The following DOCK4 variants were observed in gnomAD, a reference collection of about 807,000 sequenced individuals.
DOCK4 encodes the protein dedicator of cytokinesis protein 4.
DOCK4 carries 97 observed loss-of-function variants against 268.1 expected under a neutral mutation model. That is an observed-to-expected ratio of 0.36 (90% CI 0.31 to 0.43). The LOEUF is 0.43. DOCK4 is among the 20% of genes least tolerant of loss of function. The pLI is 1.00. For missense variants in DOCK4, 2,145 were observed against 2,455.7 expected, an observed-to-expected ratio of 0.87 and a Z score of 2.67; for synonymous variants, 954 against 887.2, an observed-to-expected ratio of 1.08 and a Z score of -1.34.
At chr7:111,935,215 T>G (rs1388648327) in intron 12 of DOCK4, 1 of 365,840 alleles carries the variant, frequency 2.7e-6, no homozygotes, top group Non-Finnish European at 5.3e-6. Flanking sequence ...CCCAAAGTGC[T>G]GGGATTACAG....
In DOCK4 at chr7:112,153,436, T is replaced by C. The variant is rs560804765; in HGVS notation, c.37+52666A>G. Among the ~76,000 whole-genome samples the C allele has an allele frequency of 7.9e-5, 12 of 152,306 alleles. No individual in the cohort carries two copies. The South Asian group carries it at 1.5e-3, about 18-fold the overall frequency. Reference sequence around the variant, plus strand: ...TGCTACACTTTACATTTAAGGTTAATGTTCCTATGAAGGGAGGAGGCTCAT... The same window carrying C: ...TGCTACACTTTACATTTAAGGTTAACGTTCCTATGAAGGGAGGAGGCTCAT... On this transcript the variant is annotated intron_variant, in intron 1 of 52. Transcript: ENST00000428084.
intron 26 of DOCK4, among the ~76,000 whole-genome samples, chr7:111,832,563 TG>T (rs1431457706): frequency 6.6e-6 from 1 of 152,156 alleles, no homozygotes; most frequent in Non-Finnish European, 1.5e-5. Flanking sequence ...AGTCTCACTC[TG>T]TTGCCCAGGC....
chr7:111,750,690 C>T (rs1390985530), intron 42 of DOCK4, among the ~76,000 whole-genome samples: 1 of 152,212 alleles, frequency 6.6e-6, no homozygotes, highest in Non-Finnish European at 1.5e-5. Context: ...TGGGAGGGGT[C>T]GCTGAGTCCT....
intron 1 of DOCK4, among the ~76,000 whole-genome samples, chr7:112,140,140 C>T (rs1387159397): frequency 6.6e-6 from 1 of 151,894 alleles, no homozygotes; most frequent in Non-Finnish European, 1.5e-5. Flanking sequence ...CGATCTAGTC[C>T]GAGAATAAAA....
intron 30 of DOCK4, among the ~76,000 whole-genome samples, chr7:111,798,215 C>T (rs903294917): frequency 6.6e-6 from 1 of 152,192 alleles, no homozygotes; most frequent in African/African-American, 2.4e-5. Context: ...CAGAACTGCC[C>T]CCAGAGGTGG....
At chr7:111,871,833 A>T (rs1186804428) in intron 20 of DOCK4, among the ~76,000 whole-genome samples, 157 bp downstream of exon 20, 1 of 152,200 alleles carries the variant, frequency 6.6e-6, no homozygotes, top group Non-Finnish European at 1.5e-5. Flanking sequence ...CCATTTAAAA[A>T]GGGTGTGTTA....
chr7:111,851,288 C>T (rs907027733), intron 23 of DOCK4, among the ~76,000 whole-genome samples: 1 of 151,740 alleles, frequency 6.6e-6, no homozygotes, highest in African/African-American at 2.4e-5. Context: ...ACTAAAAATA[C>T]AAAAAATTAG....
Position 112,150,899 on chromosome 7 carries a change from G to T in DOCK4, c.37+55203C>A, listed in dbSNP as rs141087732. Among the ~76,000 whole-genome samples, 432 of 152,244 alleles carry T rather than the reference G, an allele frequency of 2.8e-3. 2 individuals are homozygous for T. The highest frequency in any genetic ancestry group is 9.7e-3 in the African/African-American group (404 of 41,540). On this transcript the variant is annotated intron_variant, in intron 1 of 52. Transcript: ENST00000428084. ...ATAGCTTAATTACAAGATACTACTT[G>T]GCCCCAGCCAGACTGGGGATGCTAA...
chr7:111,783,861 A>C lies in DOCK4; in HGVS notation c.3520T>G (p.Tyr1174Asp). 1 of 1,599,362 alleles carries C rather than the reference A, an allele frequency of 6.3e-7. No homozygotes were observed. The highest frequency in any genetic ancestry group is 2.3e-5 in the East Asian group (1 of 44,398). Residue 1174 changes from tyrosine (Y) to aspartate (D), a missense_variant, in exon 34 of 53, where the codon TAC becomes GAC. By Grantham distance (160) the Tyr-to-Asp change is radical. Around this residue, in one of 2 missense-constraint regions of DOCK4, gnomAD observed 1,598 missense variants for 1,986.7 expected, o/e 0.80. Coordinates refer to ENST00000428084, the MANE Select transcript of DOCK4 (RefSeq NM_001363540.2). ...AAAACATGCGACTTGGCTTACCTGT[A>C]ATCTAACAACCTCTCCATTAGACGA... ...VTRLMERLLD[Y>D]RDCMKMGEVD...
At chr7:111,874,138 C>T (rs978024474) in intron 17 of DOCK4, among the ~76,000 whole-genome samples, 3 of 152,278 alleles carry the variant, frequency 2.0e-5, no homozygotes, top group East Asian at 1.9e-4. Flanking sequence ...CAGGAGGCCT[C>T]CCCTCCCTGG....
intron 23 of DOCK4, among the ~76,000 whole-genome samples, chr7:111,862,342 A>G (rs1805605172): frequency 6.6e-6 from 1 of 152,070 alleles, no homozygotes; most frequent in Admixed American, 6.6e-5. Context: ...AGATTTGTTA[A>G]TGATTTGCCA....
intron 1 of DOCK4, among the ~76,000 whole-genome samples, chr7:112,018,250 A>G (rs1211165601): frequency 6.7e-6 from 1 of 149,406 alleles, no homozygotes; most frequent in Non-Finnish European, 1.5e-5. Context: ...TTTCCACTGT[A>G]TAAATTCTCT....
At chr7:112,045,740 T>TGATGTGTCAAAAGTCAA (rs1804770003) in intron 1 of DOCK4, among the ~76,000 whole-genome samples, 1 of 152,184 alleles carries the variant, frequency 6.6e-6, no homozygotes, top group South Asian at 2.1e-4. Context: ...GTCATGGCTC[T>TGATGTGTCAAAAGTCAA]AAGTCTGATG....
intron 3 of DOCK4, among the ~76,000 whole-genome samples, chr7:111,999,427 A>C (rs1006592279): frequency 6.6e-6 from 1 of 152,048 alleles, no homozygotes; most frequent in African/African-American, 2.4e-5. Flanking sequence ...CTAACTAATC[A>C]GGAAAAGTCA....
At position 111,778,349 on chromosome 7, in the gene DOCK4, C is replaced by T; in HGVS notation, c.3606G>A (p.Leu1202=). The change falls in exon 36 of 53, where the codon CTG becomes CTA. Residue 1202 remains leucine, a synonymous_variant. Transcript: ENST00000428084. ...AGCGTATATACATCTCCTCCTTGTT[C>T]AGTTCAGTCTTATAGAAGTTCTGTA... ...VSLLNFYKTE[L]NKEEMYIRYI... The T allele has an allele frequency of 6.2e-7, 1 of 1,611,434 alleles. No individual in the cohort carries two copies. Among genetic ancestry groups the T allele is most frequent in the Non-Finnish European group, 8.5e-7 (1 of 1,177,944 alleles).
chr7:112,084,547 T>C (rs992418927), intron 1 of DOCK4, among the ~76,000 whole-genome samples: 5 of 152,122 alleles, frequency 3.3e-5, no homozygotes, highest in African/African-American at 1.2e-4. Flanking sequence ...AGACCCTCAG[T>C]TAATATACTT....
At chr7:111,956,098 T>C (rs1796426784) in intron 8 of DOCK4, among the ~76,000 whole-genome samples, 1 of 152,202 alleles carries the variant, frequency 6.6e-6, no homozygotes, top group Non-Finnish European at 1.5e-5. Flanking sequence ...GTTCTGCTTA[T>C]CATTCTGGGA....
At chr7:111,992,411 T>C (rs1395139888) in intron 5 of DOCK4, among the ~76,000 whole-genome samples, 1 of 152,194 alleles carries the variant, frequency 6.6e-6, no homozygotes, top group Non-Finnish European at 1.5e-5. Flanking sequence ...AGGTCTGACA[T>C]GGCCAAGGTA....
chr7:111,744,669 C>T (rs377403313), intron 44 of DOCK4, among the ~76,000 whole-genome samples: 2 of 152,186 alleles, frequency 1.3e-5, no homozygotes, highest in East Asian at 1.9e-4. Flanking sequence ...AGAGGTAAAA[C>T]ACAGATCTTT....
Sources: allele counts gnomAD v4.1 joint callset (sites outside exome capture counted in the v4.1 genomes callset), GRCh38; gene constraint gnomAD v4.1.1; regional missense constraint gnomAD v4.1.1; transcripts MANE v1.5; gene names NCBI Gene and HGNC (gene_info 2026-07-23, HGNC 2026-07-21).